CHST7: variants seen among roughly 807,000 people sequenced by gnomAD.
CHST7 encodes carbohydrate sulfotransferase 7.
CHST7 carries 5 observed loss-of-function variants against 9.0 expected under a neutral mutation model. That is an observed-to-expected ratio of 0.56 (90% CI 0.29 to 1.17). The LOEUF (loss-of-function observed/expected upper bound fraction) is 1.17, where lower values mean the gene tolerates loss of function less well. Among genes scored for constraint, CHST7 ranks in the 50% most tolerant of loss-of-function variants. The pLI, the probability that CHST7 is intolerant of heterozygous loss-of-function variation, is 0.08. For missense variants in CHST7, 377 were observed against 485.1 expected (o/e 0.78, Z 2.09); for synonymous variants, 244 against 237.1 (o/e 1.03, Z -0.27).
intron 1 of CHST7, among the ~76,000 whole-genome samples, chrX:46,580,164 TCTC>T (rs1156571021): frequency 3.7e-5 from 4 of 108,122 alleles, no homozygotes; most frequent in Non-Finnish European, 7.7e-5. Context: ...TTCAAGCAAT[TCTC>T]CTGCCTCAGC....
At chrX:46,596,135 CAA>C (rs1173757914) in intron 1 of CHST7, among the ~76,000 whole-genome samples, 14 of 64,630 alleles carry the variant, frequency 2.2e-4, no homozygotes, top group Admixed American at 3.4e-4. Flanking sequence ...TAGACTCTGT[CAA>C]AAAAAAAAAA....
intron 1 of CHST7, among the ~76,000 whole-genome samples, chrX:46,582,757 G>A (rs1012059547): frequency 4.5e-5 from 5 of 111,587 alleles, no homozygotes; most frequent in African/African-American, 6.5e-5. Context: ...GCAGGGGATT[G>A]TACTTACTGA....
rs746500973 is a variant in CHST7, at chrX:46,574,534, C to T, written c.603C>T (p.Ile201=). Residue 201 remains isoleucine (I), a synonymous_variant, in exon 1 of 2, where the codon ATC becomes ATT. Coordinates refer to ENST00000276055, the MANE Select transcript of CHST7 (RefSeq NM_019886.4). ...ALFRWRTNKV[I]CSPPLCPGAP... is the part of the protein sequence containing the mutation. ...TCCGCTGGCGGACTAACAAGGTCAT[C>T]TGCTCGCCGCCACTGTGTCCTGGCG... 5 of 1,206,012 alleles carry T rather than the reference C, an allele frequency of 4.1e-6. No individual in the cohort carries two copies. In the East Asian group the frequency reaches 1.5e-4, roughly 36 times the overall value.
intron 1 of CHST7, among the ~76,000 whole-genome samples, chrX:46,581,433 G>A (rs6611267): frequency 9.9e-6 from 1 of 100,710 alleles, no homozygotes; most frequent in Non-Finnish European, 2.0e-5. Flanking sequence ...GCGCGTGCCT[G>A]TAATCTCAGC....
intron 1 of CHST7, among the ~76,000 whole-genome samples, chrX:46,586,994 C>T (rs1378149752): frequency 9.0e-6 from 1 of 111,177 alleles, no homozygotes; most frequent in Non-Finnish European, 1.9e-5. Context: ...CTCGGCCTCC[C>T]AAAATGCTGG....
chrX:46,574,925 C>T lies in CHST7; in HGVS notation c.994C>T (p.Pro332Ser). Residue 332 changes from proline to serine, a missense_variant, in exon 1 of 2, where the codon CCC becomes TCC. Coordinates refer to ENST00000276055, the MANE Select transcript of CHST7 (RefSeq NM_019886.4). ...CCCCGGGGGCCAGTCTCGCGCGCTG[C>T]CCGCCGCGCCGCGCGCCGATTTCTT... Reference protein sequence around the residue: ...ARPGGQSRALPAAPRADFFLT... With the variant: ...ARPGGQSRALSAAPRADFFLT... The T allele has an allele frequency of 1.7e-6, 2 of 1,143,468 alleles. No homozygotes were observed. The highest frequency in any genetic ancestry group is 2.8e-5 in the Admixed American group (1 of 35,133). The allele number at this position is 1,143,468 out of a possible 1,213,427, so 94.2% of individuals were successfully genotyped here. A position where few individuals can be genotyped will look rare whatever the true frequency, so the allele number is the denominator to read the frequency against.
Position 46,574,668 on chromosome X carries a change from T to C in CHST7, c.737T>C (p.Val246Ala). ...ALEAECRKYP[V>A]VVIKDVRLLD... ...GAGGCCGAGTGCCGAAAGTACCCGG[T>C]GGTGGTCATCAAGGACGTGCGCCTG... The change falls in exon 1 of 2, where the codon GTG (valine) becomes GCG (alanine). Residue 246 changes from valine (V) to alanine (A), a missense_variant. By Grantham distance (64) the Val-to-Ala change is moderately conservative. Around this residue, in one of 3 missense-constraint regions of CHST7, gnomAD observed 239 missense variants for 325.7 expected, o/e 0.73. Transcript: ENST00000276055. 8.3e-7 allele frequency: 1 copy of C among 1,208,810 alleles called. No homozygotes were observed. The highest frequency in any genetic ancestry group is 1.1e-6 in the Non-Finnish European group (1 of 894,231).
chrX:46,574,840 C>T lies in CHST7; in HGVS notation c.909C>T (p.Arg303=). The T allele has an allele frequency of 8.4e-7, 1 of 1,184,028 alleles. No homozygotes were observed. The change falls in exon 1 of 2, where the codon CGC becomes CGT. Residue 303 remains arginine, a synonymous_variant. Transcript: ENST00000276055. ...TGCGCGAGAGCATCCAGGTGCTGCG[C>T]ACCCGCCAGAGGGGCGACCGCTTCC... ...GLLRESIQVL[R]TRQRGDRFHR... is the part of the protein sequence containing the mutation.
chrX:46,597,698 A>G (rs1942602695), intron 1 of CHST7, 62 bp from the exon 2 acceptor site: 1 of 112,612 alleles, frequency 8.9e-6, no homozygotes, highest in African/African-American at 3.2e-5. Flanking sequence ...GGTCCAACAG[A>G]CTTTCTTTCT....
intron 1 of CHST7, among the ~76,000 whole-genome samples, chrX:46,578,754 C>A (rs1336393723): frequency 9.1e-6 from 1 of 109,570 alleles, no homozygotes; most frequent in African/African-American, 3.3e-5. Flanking sequence ...TTTCCCAGAA[C>A]CCCCTTTACC....
intron 1 of CHST7, among the ~76,000 whole-genome samples, chrX:46,592,462 G>A (rs759260193): frequency 4.5e-5 from 5 of 111,950 alleles, no homozygotes; most frequent in Non-Finnish European, 9.4e-5. Context: ...TTCTGGGTTC[G>A]AGCAATTCTC....
intron 1 of CHST7, among the ~76,000 whole-genome samples, chrX:46,584,875 T>C (rs890460691): frequency 9.0e-6 from 1 of 111,724 alleles, no homozygotes; most frequent in African/African-American, 3.3e-5. Flanking sequence ...CAGAGGCTAA[T>C]TGAAGAAGTC....
chrX:46,578,541 C>T (rs933179923), intron 1 of CHST7, among the ~76,000 whole-genome samples: 4 of 106,544 alleles, frequency 3.8e-5, no homozygotes, highest in Admixed American at 1.0e-4. Flanking sequence ...GCTGGGACTA[C>T]AGGTGCACAC....
At chrX:46,577,586 A>G (rs1247203472) in intron 1 of CHST7, among the ~76,000 whole-genome samples, 2 of 111,557 alleles carry the variant, frequency 1.8e-5, no homozygotes, top group Admixed American at 9.5e-5. Flanking sequence ...CATTGTACAT[A>G]TATCATTATT....
At chrX:46,586,146 C>T (rs1157033098) in intron 1 of CHST7, among the ~76,000 whole-genome samples, 3 of 112,010 alleles carry the variant, frequency 2.7e-5, no homozygotes, top group African/African-American at 9.8e-5. Flanking sequence ...ATCCTGTAGA[C>T]TGGCCTCCAC....
intron 1 of CHST7, among the ~76,000 whole-genome samples, chrX:46,588,454 T>G (rs1243316028): frequency 4.5e-5 from 5 of 111,084 alleles, no homozygotes; most frequent in Non-Finnish European, 9.4e-5. Flanking sequence ...TTGAAGAAAG[T>G]ATGATTAAAA....
chrX:46,577,455 C>T (rs1942505224), intron 1 of CHST7, among the ~76,000 whole-genome samples: 1 of 111,303 alleles, frequency 9.0e-6, no homozygotes, highest in Non-Finnish European at 1.9e-5. Flanking sequence ...AGGAAGATAA[C>T]GTTACTGCCG....
At chrX:46,587,228 G>A (rs1010607846) in intron 1 of CHST7, among the ~76,000 whole-genome samples, 1 of 110,875 alleles carries the variant, frequency 9.0e-6, no homozygotes, top group African/African-American at 3.3e-5. Context: ...AATGACTCAC[G>A]TGGATTGAGA....
chrX:46,592,088 T>G (rs1942575911), intron 1 of CHST7, among the ~76,000 whole-genome samples: 1 of 112,687 alleles, frequency 8.9e-6, no homozygotes, highest in South Asian at 3.6e-4. Flanking sequence ...TAATTCAATT[T>G]TTTAGTAGTT....
Sources: allele counts gnomAD v4.1 joint callset (sites outside exome capture counted in the v4.1 genomes callset), GRCh38; gene constraint gnomAD v4.1.1; regional missense constraint gnomAD v4.1.1; transcripts MANE v1.5; gene names NCBI Gene and HGNC (gene_info 2026-07-23, HGNC 2026-07-21).